Variants in KCNN2 observed in about 807,000 individuals in gnomAD.
KCNN2 encodes the protein small conductance calcium-activated potassium channel protein 2.
Under a neutral mutation model 55.5 loss-of-function variants are expected in KCNN2, and 24 were observed. The observed-to-expected ratio is 0.43, with a 90% confidence interval of 0.31 to 0.61. The LOEUF is 0.61. Among genes scored for constraint, KCNN2 ranks in the 20% least tolerant of loss-of-function variants. The probability of loss-of-function intolerance (pLI) is 0.08; values close to 1 mark genes in which losing one functional copy is unlikely to be tolerated. For synonymous variants in KCNN2, 431 were observed against 336.1 expected, an observed-to-expected ratio of 1.28 and a Z score of -3.09; for missense variants, 754 against 853.6, an observed-to-expected ratio of 0.88 and a Z score of 1.45.
intron 1 of KCNN2, among the ~76,000 whole-genome samples, chr5:114,085,592 C>G (rs2632125): frequency 0.14 from 21,279 of 151,814 alleles, 1,570 homozygotes; most frequent in Middle Eastern, 0.17. Context: ...CAAATAAATT[C>G]TGTTGTATAA....
chr5:114,234,257 T>C (rs1754426239), intron 2 of KCNN2, among the ~76,000 whole-genome samples: 1 of 152,186 alleles, frequency 6.6e-6, no homozygotes, highest in South Asian at 2.1e-4. Flanking sequence ...TCATAAGTCA[T>C]ATGTATTTTT....
At chr5:114,083,584 T>C (rs1464976898) in intron 1 of KCNN2, among the ~76,000 whole-genome samples, 2 of 152,144 alleles carry the variant, frequency 1.3e-5, no homozygotes, top group South Asian at 2.1e-4. Flanking sequence ...GCAGATAATA[T>C]GGAGTTCCCA....
intron 1 of KCNN2, among the ~76,000 whole-genome samples, chr5:114,073,631 C>T (rs1477623327): frequency 6.6e-6 from 1 of 152,172 alleles, no homozygotes. Flanking sequence ...AAAATAAATA[C>T]ACATGTCAGC....
At chr5:114,445,139 A>G (rs947702700) in intron 3 of KCNN2, among the ~76,000 whole-genome samples, 1 of 152,176 alleles carries the variant, frequency 6.6e-6, no homozygotes, top group Non-Finnish European at 1.5e-5. Context: ...TGCAAAGAGA[A>G]AAAGTATTTC....
At chr5:114,445,138 A>G (rs1760354516) in intron 3 of KCNN2, among the ~76,000 whole-genome samples, 4 of 152,154 alleles carry the variant, frequency 2.6e-5, no homozygotes, top group African/African-American at 4.8e-5. Context: ...GTGCAAAGAG[A>G]AAAAGTATTT....
intron 1 of KCNN2, among the ~76,000 whole-genome samples, chr5:114,164,869 C>T (rs1191107527): frequency 6.6e-6 from 1 of 152,132 alleles, no homozygotes; most frequent in African/African-American, 2.4e-5. Context: ...TATTACTAAT[C>T]GTAGTTAGCA....
At chr5:114,268,777 T>C (rs1358356543) in intron 2 of KCNN2, among the ~76,000 whole-genome samples, 1 of 152,146 alleles carries the variant, frequency 6.6e-6, no homozygotes, top group African/African-American at 2.4e-5. Context: ...ACAATACTGG[T>C]TTATTTTATT....
chr5:114,258,706 G>C (rs1755036064), intron 2 of KCNN2, among the ~76,000 whole-genome samples: 1 of 152,136 alleles, frequency 6.6e-6, no homozygotes, highest in Admixed American at 6.5e-5. Flanking sequence ...CCCTCATCGT[G>C]GTGCTTGGGA....
At chr5:114,489,201 A>G (rs1254555935) in intron 6 of KCNN2, among the ~76,000 whole-genome samples, 1 of 152,198 alleles carries the variant, frequency 6.6e-6, no homozygotes, top group Non-Finnish European at 1.5e-5. Context: ...TGTTCAGAAT[A>G]CATTCACATT....
intron 1 of KCNN2, among the ~76,000 whole-genome samples, chr5:114,214,529 G>C (rs561715857): frequency 1.4e-4 from 21 of 152,126 alleles, no homozygotes; most frequent in Non-Finnish European, 2.9e-4. Flanking sequence ...GCTAGGTATC[G>C]AAAATTGACT....
intron 1 of KCNN2, among the ~76,000 whole-genome samples, chr5:114,085,462 T>C (rs1033181132): frequency 3.6e-4 from 55 of 152,142 alleles, no homozygotes; most frequent in Middle Eastern, 3.4e-3. Flanking sequence ...GCAAATGATA[T>C]TGTGTTTTTA....
At chr5:114,137,680 G>A (rs1752201397) in intron 1 of KCNN2, among the ~76,000 whole-genome samples, 1 of 152,080 alleles carries the variant, frequency 6.6e-6, no homozygotes, top group African/African-American at 2.4e-5. Context: ...GGTTCTGACT[G>A]CCTCATTGGC....
At chr5:114,401,595 TAAG>T (rs1323292423) in intron 2 of KCNN2, among the ~76,000 whole-genome samples, 3 of 152,180 alleles carry the variant, frequency 2.0e-5, no homozygotes, top group South Asian at 4.1e-4. Flanking sequence ...ACAGCATCAA[TAAG>T]AAGCACATAT....
At chr5:114,469,640 C>T (rs536434092) in intron 4 of KCNN2, among the ~76,000 whole-genome samples, 1 of 152,252 alleles carries the variant, frequency 6.6e-6, no homozygotes, top group South Asian at 2.1e-4. Context: ...TAAAATCGTA[C>T]TTATTTCCAT....
intron 2 of KCNN2, among the ~76,000 whole-genome samples, chr5:114,300,520 G>T (rs912131422): frequency 4.6e-5 from 7 of 152,198 alleles, no homozygotes; most frequent in African/African-American, 1.7e-4. Context: ...GATAGATTAA[G>T]TTATAGCAAT....
At chr5:114,102,662 C>T (rs947046958) in intron 1 of KCNN2, among the ~76,000 whole-genome samples, 1 of 152,152 alleles carries the variant, frequency 6.6e-6, no homozygotes, top group Non-Finnish European at 1.5e-5. Flanking sequence ...TATGGCCATC[C>T]AGTTTTCCCA....
intron 2 of KCNN2, among the ~76,000 whole-genome samples, chr5:114,282,620 G>C (rs1057298319): frequency 2.6e-5 from 4 of 152,150 alleles, no homozygotes; most frequent in Non-Finnish European, 5.9e-5. Context: ...ATTGAGGCTG[G>C]CCTACATTTG....
chr5:114,411,373 A>G (rs1300460614), intron 3 of KCNN2, among the ~76,000 whole-genome samples: 2 of 152,132 alleles, frequency 1.3e-5, no homozygotes, highest in Non-Finnish European at 2.9e-5. Flanking sequence ...GAGGAGATTT[A>G]TTAGAGGAAT....
intron 1 of KCNN2, among the ~76,000 whole-genome samples, chr5:114,074,330 G>GTGTGCA (rs59699409): frequency 1.0e-5 from 1 of 98,062 alleles, no homozygotes; most frequent in African/African-American, 4.1e-5. Flanking sequence ...GTGTGTGTGT[G>GTGTGCA]CGCGCGCGCG....
Sources: allele counts gnomAD v4.1 joint callset (sites outside exome capture counted in the v4.1 genomes callset), GRCh38; gene constraint gnomAD v4.1.1; transcripts MANE v1.5; gene names NCBI Gene and HGNC (gene_info 2026-07-23, HGNC 2026-07-21).